KNDC1: variants seen among roughly 807,000 people sequenced by gnomAD.
KNDC1 encodes kinase non-catalytic C-lobe domain-containing protein 1.
A neutral mutation model predicts 172.8 loss-of-function variants in KNDC1; 106 were observed. The ratio of observed to expected loss-of-function variants is 0.61; its 90% CI spans 0.52 to 0.72. KNDC1 has a LOEUF of 0.72. Ranked by LOEUF, KNDC1 falls within the 30% of genes least tolerant of loss-of-function variation. The pLI is 0.00. For synonymous variants in KNDC1, 1,083 were observed against 1,062.2 expected, an observed-to-expected ratio of 1.02 and a Z score of -0.38; for missense variants, 2,325 against 2,394.5, an observed-to-expected ratio of 0.97 and a Z score of 0.61.
chr10:133,167,723 G>A, intron 2 of KNDC1, 144 bp downstream of exon 2: 1 of 948,504 alleles, frequency 1.1e-6, no homozygotes, highest in Non-Finnish European at 1.6e-6. Flanking sequence ...TCTCTTCCTT[G>A]GGAGGGACTC....
In KNDC1 at chr10:133,211,405, C is replaced by A. The variant is rs202033972; in HGVS notation, c.3909-17C>A. On this transcript the variant is annotated splice_polypyrimidine_tract_variant and intron_variant, in intron 21 of 29. Transcript: ENST00000304613. ...CTCCCACATCCTGGCAGCTCAGCAG[C>A]TCCCCTGCGTCTCCAGGGCCCACCA... is the stretch of plus-strand genomic sequence containing the variant. The A allele has an allele frequency of 3.7e-6, 6 of 1,608,040 alleles. No homozygotes were observed. In the Admixed American group the frequency reaches 8.4e-5, roughly 23 times the overall value.
chr10:133,165,105 G>A (rs559949242), intron 1 of KNDC1, among the ~76,000 whole-genome samples: 40 of 152,286 alleles, frequency 2.6e-4, no homozygotes, highest in African/African-American at 7.7e-4. Context: ...CTGTGTGAGC[G>A]GAAGCCCACC....
intron 26 of KNDC1, among the ~76,000 whole-genome samples, chr10:133,218,307 C>A (rs1447991567): frequency 6.6e-6 from 1 of 152,246 alleles, no homozygotes; most frequent in Non-Finnish European, 1.5e-5. Flanking sequence ...TGGGGTGTTC[C>A]AACCAAGGCC....
chr10:133,162,442 G>A (rs1853008508), intron 1 of KNDC1, among the ~76,000 whole-genome samples: 1 of 152,210 alleles, frequency 6.6e-6, no homozygotes, highest in Non-Finnish European at 1.5e-5. Flanking sequence ...GACATATGCA[G>A]GCTTCATAAG....
chr10:133,161,865 G>T (rs1852982879), intron 1 of KNDC1, among the ~76,000 whole-genome samples: 1 of 152,212 alleles, frequency 6.6e-6, no homozygotes, highest in African/African-American at 2.4e-5. Context: ...TGAGCCTTGA[G>T]GGCCTCCCCG....
At position 133,195,645 on chromosome 10, in the gene KNDC1, C is replaced by G; in HGVS notation, c.1576-18C>G. The stretch of plus-strand genomic sequence containing the variant: ...CCACAGCCCTGCGGTAGACACTATT[C>G]TCTCCCCACCCGCCCAGGCCTCTGT... On this transcript the variant is annotated intron_variant, in intron 9 of 29. Coordinates refer to ENST00000304613, the MANE Select transcript of KNDC1 (RefSeq NM_152643.8). The G allele has an allele frequency of 6.5e-7, 1 of 1,541,740 alleles. No homozygotes were observed. Among genetic ancestry groups the G allele is most frequent in the East Asian group, 2.4e-5 (1 of 41,562 alleles).
intron 3 of KNDC1, among the ~76,000 whole-genome samples, chr10:133,178,596 G>A (rs1000089431): frequency 1.3e-5 from 2 of 152,082 alleles, no homozygotes; most frequent in East Asian, 1.9e-4. Context: ...TCTGCTGCCC[G>A]AATCTTGCTC....
intron 17 of KNDC1, among the ~76,000 whole-genome samples, chr10:133,203,298 G>A (rs2136006105): frequency 6.6e-6 from 1 of 151,524 alleles, no homozygotes; most frequent in East Asian, 2.0e-4. Flanking sequence ...GCGTCCAGCG[G>A]GGAGCACTCG....
chr10:133,209,418 C>T lies in KNDC1; in HGVS notation c.3795-1193C>T, dbSNP rs11101639. ...CACATGTGTGATCTGTGGTGTGTGG[C>T]GGGTATAGTGTGTGTGTGCACGTAT... On this transcript the variant is annotated intron_variant, in intron 20 of 29. Transcript: ENST00000304613. The surrounding 1 kb of genome is among the most constrained non-coding windows in gnomAD (Gnocchi z 4.9). Among the ~76,000 whole-genome samples, 3,235 of 121,730 alleles carry T rather than the reference C, an allele frequency of 0.027. 42 individuals carry two copies. The highest frequency in any genetic ancestry group is 0.05 in the Middle Eastern group (10 of 200). The allele number at this position is 121,730 out of a possible 152,430, so 79.9% of individuals were successfully genotyped here.
chr10:133,195,938 C>T (rs778610830), intron 10 of KNDC1, 117 bp downstream of exon 10: 407 of 1,056,786 alleles, frequency 3.9e-4, no homozygotes, highest in Non-Finnish European at 4.9e-4. Context: ...GATGAGGCCA[C>T]CAGGTCTGTT....
chr10:133,182,309 C>T (rs914222464), intron 3 of KNDC1, among the ~76,000 whole-genome samples: 2 of 151,922 alleles, frequency 1.3e-5, no homozygotes, highest in African/African-American at 4.8e-5. Flanking sequence ...CACGGATGCG[C>T]GTCCACTCAG....
rs1564885884 is a variant in KNDC1, at chr10:133,188,734, CG to C, written c.1441+82del. 6.1e-4 allele frequency: 368 copies of C among 599,128 alleles called. No homozygotes were observed. The African/African-American group carries it at 9.3e-3, about 15-fold the overall frequency. The allele number at this position is 599,128 out of a possible 1,614,324, so 37.1% of individuals were successfully genotyped here. On this transcript the variant is annotated intron_variant, in intron 7 of 29. Coordinates refer to ENST00000304613, the MANE Select transcript of KNDC1 (RefSeq NM_152643.8). The stretch of plus-strand genomic sequence containing the variant: ...ACCCCCCACCGCCGTCCCACACCCC[CG>C]CCGTCCCACCCCCCACACCGTCCCA...
chr10:133,205,385 C>T (rs1845157659), intron 17 of KNDC1, among the ~76,000 whole-genome samples: 1 of 152,270 alleles, frequency 6.6e-6, no homozygotes, highest in Admixed American at 6.5e-5. Flanking sequence ...CCCGTCTGGC[C>T]TCAGTCCTGC....
intron 3 of KNDC1, among the ~76,000 whole-genome samples, chr10:133,172,426 G>A (rs1466148451): frequency 6.6e-6 from 1 of 152,168 alleles, no homozygotes; most frequent in Non-Finnish European, 1.5e-5. Context: ...AATTGGGCAA[G>A]TGTCTTGCCT....
chr10:133,167,215 GGACGACTCTT>G (rs1362540133), intron 1 of KNDC1, 156 bp from the exon 2 acceptor site: 1 of 658,464 alleles, frequency 1.5e-6, no homozygotes, highest in African/African-American at 1.8e-5. Context: ...GGGAACAGCA[GGACGACTCTT>G]GAAACAAAAT....
Position 133,225,784 on chromosome 10 carries a change from C to G in KNDC1, c.*894C>G, listed in dbSNP as rs1845706963. 6.5e-6 allele frequency: 1 copy of G among 153,120 alleles called. No homozygotes were observed. Among genetic ancestry groups the G allele is most frequent in the East Asian group, 1.9e-4 (1 of 5,216 alleles). 9.5% of individuals were successfully genotyped at this position (153,120 alleles called of 1,614,324 possible). On this transcript the variant is annotated 3_prime_UTR_variant, in exon 30 of 30. Transcript: ENST00000304613. ...CCCTGCCTCCACAGCTCGCCACACA[C>G]TCACGCTTCGCCAGAGACAGGAAGT... is the stretch of plus-strand genomic sequence containing the variant.
At position 133,160,580 on chromosome 10, in the gene KNDC1, G is replaced by A. The variant is rs1378670354; in HGVS notation, c.102+11G>A. The stretch of plus-strand genomic sequence containing the variant: ...CTCCCCGAGGACGAGGTGAGCCCCC[G>A]GCCCCACTGGGGGGCCCCTTCCGCC... On this transcript the variant is annotated intron_variant, in intron 1 of 29. Transcript: ENST00000304613. The A allele has an allele frequency of 1.3e-6, 2 of 1,545,136 alleles. No homozygotes were observed. The highest frequency in any genetic ancestry group is 1.9e-5 in the Admixed American group (1 of 52,572).
chr10:133,168,853 CA>C lies in KNDC1; in HGVS notation c.360+542del, dbSNP rs544600987. On this transcript the variant is annotated intron_variant, in intron 3 of 29. Coordinates refer to ENST00000304613, the MANE Select transcript of KNDC1 (RefSeq NM_152643.8). ...GTCATAGATGCTGCTGCTCCCAGAGCAGACTCCAGTGCAGCCCCTTGGGGAC... is the reference window on the plus strand; with the variant it reads ...GTCATAGATGCTGCTGCTCCCAGAGCGACTCCAGTGCAGCCCCTTGGGGAC... Among the ~76,000 whole-genome samples the C allele has an allele frequency of 1.7e-3, 263 of 152,336 alleles. 1 individual carries two copies. Among genetic ancestry groups the C allele is most frequent in the African/African-American group, 6.2e-3 (257 of 41,584 alleles).
At chr10:133,218,134 G>A (rs374250909) in intron 26 of KNDC1, among the ~76,000 whole-genome samples, 14 of 152,306 alleles carry the variant, frequency 9.2e-5, no homozygotes, top group Non-Finnish European at 1.5e-4. Flanking sequence ...TCCACCAAAG[G>A]ATGGCCCAGG....
Sources: gnomAD v4.1 joint callset for allele counts (sites outside exome capture counted in the v4.1 genomes callset) on GRCh38, gnomAD v4.1.1 for gene constraint, Gnocchi (gnomAD v3.1) non-coding constraint, MANE v1.5 for transcripts, NCBI Gene and HGNC (gene_info 2026-07-23, HGNC 2026-07-21) for gene names.